RALGAPB: variants seen among roughly 807,000 people sequenced by gnomAD.
RALGAPB encodes the protein Ral GTPase activating protein non-catalytic subunit beta.
RALGAPB carries 25 observed loss-of-function variants against 161.1 expected under a neutral mutation model. That is an observed-to-expected ratio of 0.16 (90% confidence interval 0.11 to 0.22). The LOEUF is 0.22. Among genes scored for constraint, RALGAPB ranks in the 10% least tolerant of loss-of-function variants. RALGAPB has a pLI of 1.00. For synonymous variants in RALGAPB, 629 were observed against 626.1 expected, an observed-to-expected ratio of 1.00 and a Z score of -0.07; for missense variants, 1,391 against 1,815.2, an observed-to-expected ratio of 0.77 and a Z score of 4.25.
At position 38,488,441 on chromosome 20, in the gene RALGAPB, T is replaced by A; in HGVS notation, c.9T>A (p.Ser3=). MY[S]EWRSLHLVIQ... ...TGTACTTTAGTGGCACGATGTACTC[T>A]GAGTGGAGGTCACTGCATTTGGTGA... Residue 3 remains serine, a synonymous_variant, in exon 2 of 30, where the codon TCT becomes TCA. Coordinates refer to ENST00000262879, the MANE Select transcript of RALGAPB (RefSeq NM_020336.4). 1 of 1,613,044 alleles carries A rather than the reference T, an allele frequency of 6.2e-7. No individual in the cohort carries two copies. Among genetic ancestry groups the A allele is most frequent in the African/African-American group, 1.3e-5 (1 of 75,050 alleles).
chr20:38,538,335 TA>T, intron 16 of RALGAPB: 1 of 218,158 alleles, frequency 4.6e-6, no homozygotes, highest in South Asian at 1.0e-4. Context: ...GCCCAAGTGG[TA>T]AGATTGGCCT....
chr20:38,531,432 C>G (rs1470518544), intron 14 of RALGAPB, among the ~76,000 whole-genome samples: 1 of 152,034 alleles, frequency 6.6e-6, no homozygotes, highest in Non-Finnish European at 1.5e-5. Flanking sequence ...ATCAGGTTCC[C>G]GAGATATTCT....
chr20:38,575,279 G>T lies in RALGAPB; in HGVS notation c.*312G>T, dbSNP rs1309453369. 1 of 246,686 alleles carries T rather than the reference G, an allele frequency of 4.1e-6. No homozygotes were observed. Among genetic ancestry groups the T allele is most frequent in the African/African-American group, 2.3e-5 (1 of 44,054 alleles). 15.3% of individuals were successfully genotyped at this position (246,686 alleles called of 1,614,324 possible). A position where few individuals can be genotyped will look rare whatever the true frequency, so the allele number is the denominator to read the frequency against. Reference sequence around the variant, plus strand: ...AGGAGAAAGGCTTTTATGCATCTCAGTTAAACACGTGCATTGGTAGTATCA... The same window carrying T: ...AGGAGAAAGGCTTTTATGCATCTCATTTAAACACGTGCATTGGTAGTATCA... On this transcript the variant is annotated 3_prime_UTR_variant, in exon 30 of 30. Coordinates refer to ENST00000262879, the MANE Select transcript of RALGAPB (RefSeq NM_020336.4).
At position 38,564,771 on chromosome 20, in the gene RALGAPB, G is replaced by A. The variant is rs1256446092; in HGVS notation, c.3698-588G>A. Among the ~76,000 whole-genome samples, 6 of 152,184 alleles carry A rather than the reference G, an allele frequency of 3.9e-5. No individual in the cohort carries two copies. The South Asian group carries it at 1.0e-3, about 26-fold the overall frequency. On this transcript the variant is annotated intron_variant, in intron 24 of 29. Transcript: ENST00000262879. ...GCCAACTTGAGGAGCCATAGAGAGA[G>A]ACCAGGGATAGAAATGCCTTAAAAG...
intron 1 of RALGAPB, among the ~76,000 whole-genome samples, chr20:38,483,511 G>T (rs1315163055): frequency 6.6e-6 from 1 of 152,248 alleles, no homozygotes; most frequent in South Asian, 2.1e-4. Flanking sequence ...TAAAAATTGA[G>T]CTGTTTTATA....
At position 38,525,490 on chromosome 20, in the gene RALGAPB, C is replaced by G; in HGVS notation, c.1874C>G (p.Pro625Arg). The G allele has an allele frequency of 6.2e-7, 1 of 1,608,774 alleles. No homozygotes were observed. The highest frequency in any genetic ancestry group is 8.5e-7 in the Non-Finnish European group (1 of 1,177,014). Residue 625 changes from proline to arginine, a missense_variant, in exon 12 of 30, where the codon CCT becomes CGT. Pro to Arg is a moderately radical substitution (Grantham distance 103). Transcript: ENST00000262879. ...ATCCTGCTTTCTTTGTTGCCCCTCC[C>G]TCATCATTTTGGCACAGTCAAATCT... ...INILLSLLPL[P>R]HHFGTVKSEV...
chr20:38,554,573 C>T (rs1199461098), intron 22 of RALGAPB, among the ~76,000 whole-genome samples: 1 of 152,204 alleles, frequency 6.6e-6, no homozygotes. Flanking sequence ...CCTGGAATCA[C>T]TGCTTGCCAG....
chr20:38,511,728 T>C (rs899439082), intron 6 of RALGAPB, among the ~76,000 whole-genome samples: 4 of 152,256 alleles, frequency 2.6e-5, no homozygotes, highest in Non-Finnish European at 5.9e-5. Context: ...CTATGTCTAC[T>C]TCTTTCTACA....
At chr20:38,512,061 T>C (rs904317952) in intron 6 of RALGAPB, among the ~76,000 whole-genome samples, 2 of 152,362 alleles carry the variant, frequency 1.3e-5, no homozygotes, top group African/African-American at 4.8e-5. Flanking sequence ...TGTTTTACAG[T>C]TTTCTTCACA....
chr20:38,486,220 A>G (rs539508258), intron 1 of RALGAPB, among the ~76,000 whole-genome samples: 1 of 151,894 alleles, frequency 6.6e-6, no homozygotes, highest in Non-Finnish European at 1.5e-5. Flanking sequence ...TGATCCACCC[A>G]CCTCAGTCTC....
At chr20:38,479,772 T>C (rs1258429992) in intron 1 of RALGAPB, among the ~76,000 whole-genome samples, 7 of 152,206 alleles carry the variant, frequency 4.6e-5, no homozygotes, top group Admixed American at 4.6e-4. Context: ...CTTAATCATC[T>C]AACTTGACAG....
chr20:38,474,681 C>A (rs78903020), intron 1 of RALGAPB, among the ~76,000 whole-genome samples: 4,167 of 152,248 alleles, frequency 0.027, 190 homozygotes, highest in African/African-American at 0.096. Context: ...TTCCAATTTG[C>A]TCTTTAGGAA....
In RALGAPB at chr20:38,501,691, C is replaced by G. The variant is rs564875995; in HGVS notation, c.740+2058C>G. Among the ~76,000 whole-genome samples the G allele has an allele frequency of 5.3e-5, 8 of 152,206 alleles. No homozygotes were observed. The South Asian group carries it at 1.7e-3, about 32-fold the overall frequency. On this transcript the variant is annotated intron_variant, in intron 5 of 29. Transcript: ENST00000262879. The stretch of plus-strand genomic sequence containing the variant: ...AAGTGCTTGGATTACAGGCATGAGC[C>G]ACTGTGCCCAGCGTGACTTTCAAAT...
In RALGAPB at chr20:38,575,192, A is replaced by G. The variant is rs1476763041; in HGVS notation, c.*225A>G. 2.1e-6 allele frequency: 1 copy of G among 476,074 alleles called. No individual in the cohort carries two copies. The highest frequency in any genetic ancestry group is 3.4e-5 in the South Asian group (1 of 29,282). The allele number at this position is 476,074 out of a possible 1,614,324, so 29.5% of individuals were successfully genotyped here. ...TCACACTCCTGCTGATAATGATGAT[A>G]TACATTTTAGCCATAAACTTTCTTT... On this transcript the variant is annotated 3_prime_UTR_variant, in exon 30 of 30. Coordinates refer to ENST00000262879, the MANE Select transcript of RALGAPB (RefSeq NM_020336.4).
rs766091130 is a variant in RALGAPB, at chr20:38,569,924, G to A, written c.3991G>A (p.Gly1331Ser). 1 of 1,613,468 alleles carries A rather than the reference G, an allele frequency of 6.2e-7. No individual in the cohort carries two copies. The highest frequency in any genetic ancestry group is 8.5e-7 in the Non-Finnish European group (1 of 1,179,676). Reference protein sequence around the residue: ...PSSRMRKLPQGRPVPPLGPET... With the variant: ...PSSRMRKLPQSRPVPPLGPET... ...TTCCAGAATGAGGAAGCTGCCTCAG[G>A]GTCGCCCTGTTCCTCCCCTTGGACC... The change falls in exon 27 of 30, where the codon GGT (glycine) becomes AGT (serine). Residue 1331 changes from glycine (G) to serine (S), a missense_variant. Physicochemically the swap from Gly to Ser is moderately conservative, Grantham distance 56 (BLOSUM62 0). Around this residue, in one of 3 missense-constraint regions of RALGAPB, gnomAD observed 436 missense variants for 527.0 expected, o/e 0.83. Transcript: ENST00000262879.
At chr20:38,540,844 C>A (rs536564745) in intron 17 of RALGAPB, among the ~76,000 whole-genome samples, 197 bp from the exon 18 acceptor site, 1 of 151,986 alleles carries the variant, frequency 6.6e-6, no homozygotes, top group Non-Finnish European at 1.5e-5. Flanking sequence ...AAATTTAGTT[C>A]TTTAATGAGA....
chr20:38,565,908 A>G (rs2087980287), intron 25 of RALGAPB, among the ~76,000 whole-genome samples: 1 of 152,174 alleles, frequency 6.6e-6, no homozygotes, highest in Non-Finnish European at 1.5e-5. Flanking sequence ...AACACTGAGC[A>G]AGAGAAACTT....
chr20:38,518,140 C>T, intron 9 of RALGAPB, 140 bp downstream of exon 9: 1 of 775,368 alleles, frequency 1.3e-6, no homozygotes, highest in South Asian at 1.9e-5. Flanking sequence ...GTGCTTAACC[C>T]CTTCCAGCTG....
In RALGAPB at chr20:38,485,211, T is replaced by G. The variant is rs117823907; in HGVS notation, c.-30-3192T>G. 1.5e-3 allele frequency among the ~76,000 whole-genome samples: 236 copies of G among 152,356 alleles called. 5 individuals are homozygous for G. In the East Asian group the frequency reaches 0.026, roughly 17 times the overall value. ...TTCAAAAGTCATGTGAGATGTGGCA[T>G]AATTGTTCATTGTGCAGGACTGTCT... On this transcript the variant is annotated intron_variant, in intron 1 of 29. Transcript: ENST00000262879.
Sources: allele counts gnomAD v4.1 joint callset (sites outside exome capture counted in the v4.1 genomes callset), GRCh38; gene constraint gnomAD v4.1.1; regional missense constraint gnomAD v4.1.1; transcripts MANE v1.5; gene names NCBI Gene and HGNC (gene_info 2026-07-23, HGNC 2026-07-21).